The following RAG1 variants were observed in gnomAD, a reference collection of about 807,000 sequenced individuals.
RAG1 encodes the protein recombination activating 1, also known as V(D)J recombination-activating protein 1.
A neutral mutation model predicts 62.7 loss-of-function variants in RAG1; 35 were observed. That is an observed-to-expected ratio of 0.56 (90% CI 0.43 to 0.74). The LOEUF is 0.74. RAG1 is among the 30% of genes least tolerant of loss of function. The pLI is 0.00. For missense variants in RAG1, 1,169 were observed against 1,278.6 expected (o/e 0.91, Z 1.31); for synonymous variants, 461 against 470.3 (o/e 0.98, Z 0.26).
At chr11:36,522,713 C>A (rs905906321) in intron 2 of RAG1, among the ~76,000 whole-genome samples, 4 of 152,202 alleles carry the variant, frequency 2.6e-5, no homozygotes, top group Non-Finnish European at 5.9e-5. Flanking sequence ...TCAACACCAG[C>A]CTGTGAAAGC....
intron 3 of RAG1, among the ~76,000 whole-genome samples, chr11:36,543,184 G>T (rs951320217): frequency 2.6e-5 from 4 of 152,062 alleles, no homozygotes; most frequent in Non-Finnish European, 5.9e-5. Flanking sequence ...ACCCTCTCAG[G>T]GTCTTAGGTA....
intron 3 of RAG1, among the ~76,000 whole-genome samples, chr11:36,541,747 C>A (rs1289279002): frequency 6.6e-6 from 1 of 152,152 alleles, no homozygotes; most frequent in Non-Finnish European, 1.5e-5. Flanking sequence ...TGCTAGCCTG[C>A]AAAGTAGTTC....
intron 3 of RAG1, among the ~76,000 whole-genome samples, chr11:36,560,703 G>A (rs945448544): frequency 5.9e-5 from 9 of 152,130 alleles, no homozygotes; most frequent in African/African-American, 1.9e-4. Context: ...GGGACTGTGG[G>A]GGTCTTTTGT....
At chr11:36,548,479 T>C (rs971248458) in intron 3 of RAG1, among the ~76,000 whole-genome samples, 3 of 151,854 alleles carry the variant, frequency 2.0e-5, no homozygotes, top group East Asian at 1.9e-4. Flanking sequence ...ACAGCAATAA[T>C]AGACAAACAG....
chr11:36,544,737 T>C (rs1351517913), intron 3 of RAG1, among the ~76,000 whole-genome samples: 1 of 152,222 alleles, frequency 6.6e-6, no homozygotes, highest in Non-Finnish European at 1.5e-5. Context: ...GTAATCCTCA[T>C]GTGTCGAGGG....
chr11:36,520,508 C>T (rs112855494), intron 2 of RAG1, among the ~76,000 whole-genome samples: 11 of 152,276 alleles, frequency 7.2e-5, no homozygotes, highest in African/African-American at 2.2e-4. Context: ...AACTCCTGAC[C>T]TCAGGTGTTC....
Position 36,548,243 on chromosome 11 carries a change from C to T in RAG1, c.-412+12209C>T, listed in dbSNP as rs372210561. ...ACAAGGATGCCCTCCCTCACCACTC[C>T]TATTCAACATAGTATTGGAAGTTCT... On this transcript the variant is annotated intron_variant and NMD_transcript_variant, in intron 3 of 9. Transcript: ENST00000534663. Among the ~76,000 whole-genome samples, 15 of 152,332 alleles carry T rather than the reference C, an allele frequency of 9.8e-5. 1 individual carries two copies. The East Asian group carries it at 2.7e-3, about 27-fold the overall frequency.
chr11:36,561,831 G>C (rs1227682146), intron 3 of RAG1, among the ~76,000 whole-genome samples: 1 of 152,164 alleles, frequency 6.6e-6, no homozygotes, highest in Non-Finnish European at 1.5e-5. Flanking sequence ...CTCCATAATT[G>C]TGTGAGCCAA....
At chr11:36,561,696 G>A (rs1041948479) in intron 3 of RAG1, among the ~76,000 whole-genome samples, 1 of 152,180 alleles carries the variant, frequency 6.6e-6, no homozygotes, top group Non-Finnish European at 1.5e-5. Context: ...CTGGAGCTGG[G>A]AAATTATTAT....
At chr11:36,524,488 TA>T (rs1190421038) in intron 2 of RAG1, among the ~76,000 whole-genome samples, 3 of 148,118 alleles carry the variant, frequency 2.0e-5, no homozygotes, top group Non-Finnish European at 1.5e-5. Flanking sequence ...TGGTGTGTGC[TA>T]TTTTTTTTTT....
intron 3 of RAG1, among the ~76,000 whole-genome samples, chr11:36,562,092 G>C (rs1850593189): frequency 6.6e-6 from 1 of 152,110 alleles, no homozygotes; most frequent in Non-Finnish European, 1.5e-5. Context: ...AACCATGATG[G>C]GGAACCATAG....
chr11:36,520,394 G>A (rs550368816), intron 2 of RAG1, among the ~76,000 whole-genome samples: 35 of 152,000 alleles, frequency 2.3e-4, no homozygotes, highest in Admixed American at 1.9e-3. Context: ...TCAGCCTCCC[G>A]AGTAGCTGGG....
chr11:36,575,603 C>A lies in RAG1; in HGVS notation c.2299C>A (p.Pro767Thr). 1 of 1,614,196 alleles carries A rather than the reference C, an allele frequency of 6.2e-7. No homozygotes were observed. The highest frequency in any genetic ancestry group is 8.5e-7 in the Non-Finnish European group (1 of 1,180,048). The change falls in exon 2 of 2, where the codon CCT (proline) becomes ACT (threonine). Residue 767 changes from proline (P) to threonine (T), a missense_variant. Physicochemically the swap from Pro to Thr is conservative, Grantham distance 38. Transcript: ENST00000299440. The surrounding 1 kb of genome is among the most constrained non-coding windows in gnomAD (Gnocchi z 4.1). The part of the protein sequence containing the change: ...LERYEVWRSN[P>T]YHESVEELRD... ...ACGTTATGAGGTCTGGCGTTCCAAC[C>A]CTTACCATGAGTCTGTGGAAGAACT...
intron 2 of RAG1, among the ~76,000 whole-genome samples, chr11:36,526,634 C>G (rs145461497): frequency 6.6e-6 from 1 of 152,302 alleles, no homozygotes; most frequent in East Asian, 1.9e-4. Flanking sequence ...ATTTCTAGTT[C>G]TAGATCCTGG....
At chr11:36,521,918 T>C (rs1338509199) in intron 2 of RAG1, among the ~76,000 whole-genome samples, 1 of 152,118 alleles carries the variant, frequency 6.6e-6, no homozygotes, top group Admixed American at 6.5e-5. Flanking sequence ...ACTTTGAACT[T>C]AAGAGAGATG....
chr11:36,560,086 G>A (rs1850559847), intron 3 of RAG1, among the ~76,000 whole-genome samples: 1 of 152,174 alleles, frequency 6.6e-6, no homozygotes, highest in Admixed American at 6.5e-5. Flanking sequence ...GGTTACCGGT[G>A]GCTGCAGTAG....
intron 3 of RAG1, among the ~76,000 whole-genome samples, chr11:36,560,015 A>G (rs1850558664): frequency 6.6e-6 from 1 of 152,178 alleles, no homozygotes; most frequent in Admixed American, 6.5e-5. Context: ...GCTTTTGTAG[A>G]GAAAGACTTT....
chr11:36,558,661 T>C (rs1332075777), intron 3 of RAG1, among the ~76,000 whole-genome samples: 1 of 152,246 alleles, frequency 6.6e-6, no homozygotes, highest in East Asian at 1.9e-4. Flanking sequence ...TGTGTCTTTG[T>C]AGTTGAAGTG....
rs897086171 is a variant in RAG1 at position 36,576,182 on chromosome 11, G to A, written c.2878G>A (p.Ala960Thr). The A allele has an allele frequency of 6.2e-7, 1 of 1,614,020 alleles. No homozygotes were observed. The highest frequency in any genetic ancestry group is 8.5e-7 in the Non-Finnish European group (1 of 1,180,042). ...GAGGGATGGCTCCATTGGGGCATGGGCAAGTGAGGGAAATGAGTCTGGTAA... is the reference window on the plus strand; with the variant it reads ...GAGGGATGGCTCCATTGGGGCATGGACAAGTGAGGGAAATGAGTCTGGTAA... ...IERDGSIGAW[A>T]SEGNESGNKL... is the part of the protein sequence containing the mutation. The change falls in exon 2 of 2, where the codon GCA becomes ACA. Residue 960 changes from alanine (A) to threonine (T), a missense_variant. By Grantham distance (58) the Ala-to-Thr change is moderately conservative. Transcript: ENST00000299440.
Sources: gnomAD v4.1 joint callset for allele counts (sites outside exome capture counted in the v4.1 genomes callset) on GRCh38, gnomAD v4.1.1 for gene constraint, Gnocchi (gnomAD v3.1) non-coding constraint, MANE v1.5 for transcripts, NCBI Gene and HGNC (gene_info 2026-07-23, HGNC 2026-07-21) for gene names.